CDH12: variants seen among roughly 807,000 people sequenced by gnomAD.
The protein encoded by CDH12 is cadherin-12.
A neutral mutation model predicts 74.1 loss-of-function variants in CDH12; 41 were observed. The observed-to-expected ratio is 0.55, with a 90% confidence interval of 0.43 to 0.72. CDH12 has a LOEUF of 0.72. Ranked by LOEUF, CDH12 falls within the 30% of genes least tolerant of loss-of-function variation. CDH12 has a pLI of 0.00. For synonymous variants in CDH12, 399 were observed against 355.0 expected (o/e 1.12, Z -1.39); for missense variants, 945 against 977.2 (o/e 0.97, Z 0.44).
At chr5:21,790,588 T>C (rs1363037893) in intron 10 of CDH12, among the ~76,000 whole-genome samples, 2 of 152,118 alleles carry the variant, frequency 1.3e-5, no homozygotes, top group African/African-American at 2.4e-5. Context: ...ATATCTATTC[T>C]CCTTATGTTC....
At chr5:21,990,949 T>A in intron 5 of CDH12, among the ~76,000 whole-genome samples, 1 of 150,186 alleles carries the variant, frequency 6.7e-6, no homozygotes, top group African/African-American at 2.5e-5. Flanking sequence ...AAAAAAAAAC[T>A]TTTGAAATAT....
intron 5 of CDH12, among the ~76,000 whole-genome samples, chr5:22,046,477 G>A (rs1269289260): frequency 7.1e-6 from 1 of 140,168 alleles, no homozygotes; most frequent in African/African-American, 2.8e-5. Flanking sequence ...CTGTCGCCCA[G>A]GCTGGAGTGC....
chr5:22,005,461 T>A (rs1220579326), intron 5 of CDH12, among the ~76,000 whole-genome samples: 4 of 152,100 alleles, frequency 2.6e-5, no homozygotes. Flanking sequence ...TGTCTTTTTA[T>A]AAAAATGATT....
chr5:22,073,004 G>T (rs976618157), intron 5 of CDH12, among the ~76,000 whole-genome samples: 28 of 152,116 alleles, frequency 1.8e-4, no homozygotes, highest in African/African-American at 2.4e-4. Context: ...GCAATAATAA[G>T]AAGATCAGTC....
intron 3 of CDH12, among the ~76,000 whole-genome samples, chr5:22,361,467 A>G (rs1740797229): frequency 6.6e-6 from 1 of 152,198 alleles, no homozygotes; most frequent in Non-Finnish European, 1.5e-5. Context: ...ATGCTCATGG[A>G]TAGGAAGAAT....
intron 2 of CDH12, among the ~76,000 whole-genome samples, chr5:22,453,461 A>G (rs1745134585): frequency 6.6e-6 from 1 of 152,178 alleles, no homozygotes; most frequent in South Asian, 2.1e-4. Flanking sequence ...AGAGGACATT[A>G]TATTAAGTGA....
At chr5:22,280,095 T>A (rs1043559832) in intron 3 of CDH12, among the ~76,000 whole-genome samples, 2 of 152,216 alleles carry the variant, frequency 1.3e-5, no homozygotes, top group African/African-American at 4.8e-5. Flanking sequence ...GATATCTCAT[T>A]GTGGTTTTGA....
intron 4 of CDH12, among the ~76,000 whole-genome samples, chr5:22,088,985 C>T (rs1743237451): frequency 1.3e-5 from 2 of 152,288 alleles, no homozygotes; most frequent in Non-Finnish European, 2.9e-5. Context: ...GAACAACATG[C>T]TACTCTGACT....
chr5:21,975,956 A>G (rs934558364), intron 5 of CDH12, among the ~76,000 whole-genome samples: 6 of 152,106 alleles, frequency 3.9e-5, no homozygotes, highest in Non-Finnish European at 8.8e-5. Context: ...TGTTCTGAAG[A>G]TGAAATCAAT....
At chr5:22,519,617 G>T (rs1009090078) in intron 1 of CDH12, among the ~76,000 whole-genome samples, 3 of 151,986 alleles carry the variant, frequency 2.0e-5, no homozygotes, top group African/African-American at 4.8e-5. Flanking sequence ...TAGAGACGGG[G>T]TTTGACCATG....
At chr5:22,552,731 C>A (rs1738629268) in intron 1 of CDH12, among the ~76,000 whole-genome samples, 1 of 152,030 alleles carries the variant, frequency 6.6e-6, no homozygotes, top group Non-Finnish European at 1.5e-5. Flanking sequence ...CTGGCCAACA[C>A]TCCCATTTTT....
At chr5:22,744,180 A>G (rs1209856405) in intron 1 of CDH12, among the ~76,000 whole-genome samples, 1 of 152,160 alleles carries the variant, frequency 6.6e-6, no homozygotes, top group Non-Finnish European at 1.5e-5. Flanking sequence ...CTGTAATCCC[A>G]GCACTTTGGG....
chr5:22,511,933 TTG>T (rs3039486), intron 1 of CDH12, among the ~76,000 whole-genome samples: 5,954 of 148,700 alleles, frequency 0.04, 327 homozygotes, highest in African/African-American at 0.13. Flanking sequence ...GTAACTATGA[TTG>T]TGTGTGTGTG....
At chr5:21,849,147 T>C (rs1350025078) in intron 7 of CDH12, among the ~76,000 whole-genome samples, 1 of 151,870 alleles carries the variant, frequency 6.6e-6, no homozygotes, top group Non-Finnish European at 1.5e-5. Context: ...GAATTCTTTC[T>C]TCCTGTAACT....
At chr5:22,776,804 C>T (rs1747126515) in intron 1 of CDH12, among the ~76,000 whole-genome samples, 3 of 151,968 alleles carry the variant, frequency 2.0e-5, no homozygotes, top group Non-Finnish European at 4.4e-5. Context: ...ATTTTCATTG[C>T]CCAAAACACA....
At chr5:22,839,852 G>A (rs1737005897) in intron 1 of CDH12, among the ~76,000 whole-genome samples, 1 of 152,036 alleles carries the variant, frequency 6.6e-6, no homozygotes, top group Admixed American at 6.5e-5. Context: ...CTAAATATTC[G>A]ATGCAAAAAG....
In CDH12 at chr5:22,352,776, T is replaced by C. The variant is rs113835556; in HGVS notation, c.-333+52481A>G. Among the ~76,000 whole-genome samples, 477 of 152,274 alleles carry C rather than the reference T, an allele frequency of 3.1e-3. 6 individuals carry two copies. Among genetic ancestry groups the C allele is most frequent in the African/African-American group, 0.011 (457 of 41,568 alleles). ...GAACAATGCGAAACCCTCTGACATA[T>C]GGACATTATACTGGAACTGGCAAAA... On this transcript the variant is annotated intron_variant, in intron 3 of 14. Transcript: ENST00000382254.
intron 2 of CDH12, among the ~76,000 whole-genome samples, chr5:22,416,166 C>T (rs1275418435): frequency 7.7e-6 from 1 of 129,726 alleles, no homozygotes; most frequent in African/African-American, 2.9e-5. Flanking sequence ...GCTCCGCCTC[C>T]CAGGTTCACG....
At chr5:21,837,289 A>G (rs774992927) in intron 8 of CDH12, among the ~76,000 whole-genome samples, 1 of 152,026 alleles carries the variant, frequency 6.6e-6, no homozygotes, top group Non-Finnish European at 1.5e-5. Context: ...CAACAACAAT[A>G]AAATAGCAAA....
Sources: allele counts gnomAD v4.1 joint callset (sites outside exome capture counted in the v4.1 genomes callset), GRCh38; gene constraint gnomAD v4.1.1; transcripts MANE v1.5; gene names NCBI Gene and HGNC (gene_info 2026-07-23, HGNC 2026-07-21).